The following SLC20A2 variants were observed in gnomAD, a reference collection of about 807,000 sequenced individuals.
The protein encoded by SLC20A2 is sodium-dependent phosphate transporter 2.
In SLC20A2, 30 loss-of-function variants were observed where a neutral mutation model predicts 61.0. The observed-to-expected ratio is 0.49, with a 90% CI of 0.37 to 0.67. The LOEUF is 0.67. Among genes scored for constraint, SLC20A2 ranks in the 30% least tolerant of loss-of-function variants. The pLI, the probability that SLC20A2 is intolerant of heterozygous loss-of-function variation, is 0.00. For synonymous variants in SLC20A2, 351 were observed against 353.3 expected (o/e 0.99, Z 0.07); for missense variants, 626 against 866.4 (o/e 0.72, Z 3.48).
At chr8:42,443,995 G>A (rs569709665) in intron 6 of SLC20A2, among the ~76,000 whole-genome samples, 7 of 152,262 alleles carry the variant, frequency 4.6e-5, no homozygotes, top group African/African-American at 4.8e-5. Context: ...CTGCGTGGTC[G>A]TCCATCGCAT....
At chr8:42,454,714 C>T (rs925796988) in intron 5 of SLC20A2, among the ~76,000 whole-genome samples, 2 of 151,392 alleles carry the variant, frequency 1.3e-5, no homozygotes, top group African/African-American at 4.9e-5. Flanking sequence ...CTCCCTTATA[C>T]AGATTTTACA....
intron 5 of SLC20A2, among the ~76,000 whole-genome samples, chr8:42,456,731 CAAAA>C (rs986357542): frequency 1.7e-5 from 1 of 58,554 alleles, no homozygotes; most frequent in African/African-American, 6.8e-5. Flanking sequence ...GACTCTGTCT[CAAAA>C]AAAAAAAAAA....
At chr8:42,428,911 T>C in intron 9 of SLC20A2, 69 bp from the exon 10 acceptor site, 3 of 1,302,138 alleles carry the variant, frequency 2.3e-6, no homozygotes, top group Non-Finnish European at 3.1e-6. Context: ...CCGTGGGTGC[T>C]AGAGGCTCAC....
intron 1 of SLC20A2, among the ~76,000 whole-genome samples, chr8:42,509,456 C>T (rs1321911135): frequency 3.3e-5 from 5 of 152,012 alleles, no homozygotes; most frequent in Non-Finnish European, 7.4e-5. Context: ...TAGGCTTAGC[C>T]AGGCACAGTG....
chr8:42,539,846 T>G (rs1243935073), intron 1 of SLC20A2, among the ~76,000 whole-genome samples: 1 of 152,234 alleles, frequency 6.6e-6, no homozygotes, highest in East Asian at 1.9e-4. Context: ...CACGGGGCTT[T>G]GGAAACTATT....
At chr8:42,456,355 T>C (rs997573588) in intron 5 of SLC20A2, among the ~76,000 whole-genome samples, 7 of 152,204 alleles carry the variant, frequency 4.6e-5, no homozygotes, top group African/African-American at 1.7e-4. Context: ...GCTCAGTCTC[T>C]TAAGTCAGCA....
chr8:42,449,872 A>G (rs1805507607), intron 5 of SLC20A2, among the ~76,000 whole-genome samples: 1 of 152,076 alleles, frequency 6.6e-6, no homozygotes, highest in African/African-American at 2.4e-5. Context: ...TTTTCCTTTT[A>G]TTAAACAGAA....
At chr8:42,461,554 G>A (rs978308458) in intron 4 of SLC20A2, among the ~76,000 whole-genome samples, 3 of 151,238 alleles carry the variant, frequency 2.0e-5, no homozygotes, top group Non-Finnish European at 2.9e-5. Flanking sequence ...AAGTTCAAGC[G>A]ATTCTCATGC....
rs760746915 is a variant in SLC20A2, at chr8:42,439,487, T to C, written c.897A>G (p.Glu299=). The C allele has an allele frequency of 6.2e-6, 10 of 1,614,032 alleles. No homozygotes were observed. Among genetic ancestry groups the C allele is most frequent in the South Asian group, 1.1e-5 (1 of 91,074 alleles). The change falls in exon 7 of 11, where the codon GAA becomes GAG. Residue 299 remains glutamate (E), a synonymous_variant. Coordinates refer to ENST00000520262, the MANE Select transcript of SLC20A2 (RefSeq NM_001257180.2). ...GAGGGTGGCTGCCCGCAGAAGTGCC[T>C]TCCGAGGTCCCCAGTGTCTCCCCTG... ...GAAGETLGTS[E]GTSAGSHPRA...
intron 1 of SLC20A2, among the ~76,000 whole-genome samples, chr8:42,480,262 G>A (rs564839314): frequency 6.6e-6 from 1 of 152,154 alleles, no homozygotes; most frequent in Non-Finnish European, 1.5e-5. Flanking sequence ...CAGGAAATAA[G>A]CCCAAAGGTT....
chr8:42,523,303 C>T (rs1382535806), intron 1 of SLC20A2, among the ~76,000 whole-genome samples: 1 of 152,232 alleles, frequency 6.6e-6, no homozygotes, highest in African/African-American at 2.4e-5. Flanking sequence ...GCACTCCAGC[C>T]TGGGCAACAA....
intron 1 of SLC20A2, among the ~76,000 whole-genome samples, chr8:42,522,912 G>GGC (rs1338366160): frequency 3.5e-4 from 52 of 148,996 alleles, no homozygotes; most frequent in African/African-American, 5.5e-4. Context: ...GGCGGGGTGG[G>GGC]GGGGGTCTCT....
intron 2 of SLC20A2, among the ~76,000 whole-genome samples, chr8:42,468,052 G>A (rs140921609): frequency 0.074 from 11,157 of 151,700 alleles, 1,260 homozygotes; most frequent in African/African-American, 0.25. Context: ...ACAGGTGCCC[G>A]CTACCACGCC....
intron 4 of SLC20A2, among the ~76,000 whole-genome samples, chr8:42,460,402 A>G (rs1177288536): frequency 1.3e-5 from 2 of 152,210 alleles, no homozygotes; most frequent in East Asian, 3.8e-4. Context: ...GGCTACATTC[A>G]ACAAATAATT....
chr8:42,437,386 T>A lies in SLC20A2; in HGVS notation c.1126A>T (p.Asn376Tyr). The change falls in exon 8 of 11, where the codon AAC becomes TAC. Residue 376 changes from asparagine (N) to tyrosine (Y), a missense_variant. Asn to Tyr is a moderately radical substitution (Grantham distance 143). Around this residue, in one of 3 missense-constraint regions of SLC20A2, gnomAD observed 361 missense variants for 422.3 expected, o/e 0.85. Transcript: ENST00000520262. The surrounding 1 kb of genome is among the most constrained non-coding windows in gnomAD (Gnocchi z 6.4). Reference sequence around the variant, plus strand: ...TTGTTTCGGCGCAGCAGCCGGTAGTTGCTTTCCTGGGCTGGCTTCTCCTCG... The same window carrying A: ...TTGTTTCGGCGCAGCAGCCGGTAGTAGCTTTCCTGGGCTGGCTTCTCCTCG... ...GPEEKPAQES[N>Y]YRLLRRNNSY... 1 of 1,614,164 alleles carries A rather than the reference T, an allele frequency of 6.2e-7. No individual in the cohort carries two copies. The highest frequency in any genetic ancestry group is 1.1e-5 in the South Asian group (1 of 91,082).
At chr8:42,424,954 G>A (rs1803300349) in intron 10 of SLC20A2, among the ~76,000 whole-genome samples, 1 of 152,102 alleles carries the variant, frequency 6.6e-6, no homozygotes, top group South Asian at 2.1e-4. Context: ...GCTGAGGCAG[G>A]AAAACTGCTT....
At chr8:42,488,925 T>C (rs1252815923) in intron 1 of SLC20A2, among the ~76,000 whole-genome samples, 2 of 149,914 alleles carry the variant, frequency 1.3e-5, no homozygotes, top group Non-Finnish European at 3.0e-5. Context: ...TTTTGAGTTA[T>C]AGGAGTTTTG....
rs1001172768 is a variant in SLC20A2 at position 42,509,340 on chromosome 8, C to A, written c.-265+32481G>T. Among the ~76,000 whole-genome samples the A allele has an allele frequency of 2.0e-5, 3 of 152,292 alleles. No individual in the cohort carries two copies. In the East Asian group the frequency reaches 5.8e-4, roughly 29 times the overall value. ...ACGTTCCATGCACCCCAACATCAGC[C>A]TCCACTCAGTTAAAAGAACACAGGC... On this transcript the variant is annotated intron_variant, in intron 1 of 10. Transcript: ENST00000342228.
intron 8 of SLC20A2, among the ~76,000 whole-genome samples, chr8:42,432,314 A>G (rs1213250398): frequency 6.6e-6 from 1 of 152,260 alleles, no homozygotes; most frequent in African/African-American, 2.4e-5. Context: ...AAACAGCAAG[A>G]GAACTAGAAG....
Sources: gnomAD v4.1 joint callset for allele counts (sites outside exome capture counted in the v4.1 genomes callset) on GRCh38, gnomAD v4.1.1 for gene constraint, gnomAD v4.1.1 regional missense constraint, Gnocchi (gnomAD v3.1) non-coding constraint, MANE v1.5 for transcripts, NCBI Gene and HGNC (gene_info 2026-07-23, HGNC 2026-07-21) for gene names.